GABRR2: variants seen among roughly 807,000 people sequenced by gnomAD.
GABRR2 encodes gamma-aminobutyric acid type A receptor subunit rho2, also known as gamma-aminobutyric acid receptor subunit rho-2.
In GABRR2, 36 loss-of-function variants were observed where a neutral mutation model predicts 47.0. The ratio of observed to expected loss-of-function variants is 0.77; its 90% CI spans 0.59 to 1.01. The LOEUF is 1.01. Ranked by LOEUF, GABRR2 falls within the 50% of genes least tolerant of loss-of-function variation. The pLI is 0.00. For synonymous variants in GABRR2, 204 were observed against 227.5 expected, an observed-to-expected ratio of 0.90 and a Z score of 0.93; for missense variants, 587 against 594.6, an observed-to-expected ratio of 0.99 and a Z score of 0.13.
intron 2 of GABRR2, among the ~76,000 whole-genome samples, chr6:89,288,263 G>T (rs1441781251): frequency 6.6e-6 from 1 of 151,314 alleles, no homozygotes; most frequent in Non-Finnish European, 1.5e-5. Context: ...TCTGGGGTGG[G>T]GTGGGGGCAA....
In GABRR2 at chr6:89,268,957, C is replaced by A. The variant is rs1773977135; in HGVS notation, c.512+54G>T. On this transcript the variant is annotated intron_variant, in intron 4 of 8. Transcript: ENST00000402938. ...CAGTCTTCAGGGCCAAAGGGCCTGA[C>A]CACACATACCAGAAAGGCACTGGAC... 2.0e-6 allele frequency: 3 copies of A among 1,524,430 alleles called. No homozygotes were observed. The Admixed American group carries it at 5.0e-5, about 26-fold the overall frequency. The allele number at this position is 1,524,430 out of a possible 1,614,324, so 94.4% of individuals were successfully genotyped here.
intron 4 of GABRR2, 65 bp from the exon 5 acceptor site, chr6:89,268,161 G>T: frequency 8.2e-7 from 1 of 1,226,204 alleles, no homozygotes; most frequent in Non-Finnish European, 1.2e-6. Context: ...TCTGCCCAGA[G>T]CAAGAAGGCA....
At position 89,267,773 on chromosome 6, in the gene GABRR2, A is replaced by G; in HGVS notation, c.642T>C (p.Asp214=). 2 of 1,613,932 alleles carry G rather than the reference A, an allele frequency of 1.2e-6. No individual in the cohort carries two copies. Among genetic ancestry groups the G allele is most frequent in the Non-Finnish European group, 1.7e-6 (2 of 1,179,836 alleles). ...TCTTCTCATCTGTTTTTAGGGATTC[A>G]TCCCCATTCTTCCAGTACAGCATTA... ...EDLMLYWKNG[D]ESLKTDEKIS... Residue 214 remains aspartate, a synonymous_variant, in exon 6 of 9, where the codon GAT becomes GAC. Coordinates refer to ENST00000402938, the MANE Select transcript of GABRR2 (RefSeq NM_002043.5).
chr6:89,259,881 C>CTCTT (rs1554195195), intron 8 of GABRR2, among the ~76,000 whole-genome samples: 72 of 143,056 alleles, frequency 5.0e-4, no homozygotes, highest in African/African-American at 1.8e-3. Flanking sequence ...ATCTCTCTCT[C>CTCTT]TCTTTTTTTT....
chr6:89,307,040 T>C (rs1039528301), intron 1 of GABRR2, among the ~76,000 whole-genome samples: 1 of 152,226 alleles, frequency 6.6e-6, no homozygotes, highest in African/African-American at 2.4e-5. Flanking sequence ...ATGCCCGGCA[T>C]GTAGCAGGCA....
intron 2 of GABRR2, among the ~76,000 whole-genome samples, chr6:89,281,932 G>A (rs1036088509): frequency 1.3e-5 from 2 of 152,078 alleles, no homozygotes; most frequent in Non-Finnish European, 2.9e-5. Flanking sequence ...CAGCACCCGC[G>A]TCTGCTTACT....
At chr6:89,259,884 T>TC (rs1491531361) in intron 8 of GABRR2, among the ~76,000 whole-genome samples, 3,288 of 132,068 alleles carry the variant, frequency 0.025, 55 homozygotes, top group African/African-American at 0.054. Context: ...TCTCTCTCTC[T>TC]TTTTTTTTTT....
chr6:89,290,368 A>G (rs1335144741), intron 2 of GABRR2, among the ~76,000 whole-genome samples: 1 of 152,112 alleles, frequency 6.6e-6, no homozygotes, highest in East Asian at 1.9e-4. Flanking sequence ...TATTTAAGCC[A>G]TTCACTCCCC....
intron 8 of GABRR2, 80 bp from the exon 9 acceptor site, chr6:89,258,061 A>G (rs1270966819): frequency 2.3e-6 from 3 of 1,295,344 alleles, no homozygotes; most frequent in Non-Finnish European, 3.2e-6. Context: ...GAGCAAAGCC[A>G]CATTGCTACT....
Position 89,256,571 on chromosome 6 carries a change from G to A in GABRR2, c.*1099C>T, listed in dbSNP as rs1773603591. Among the ~76,000 whole-genome samples, 2 of 152,256 alleles carry A rather than the reference G, an allele frequency of 1.3e-5. No homozygotes were observed. The highest frequency in any genetic ancestry group is 2.9e-5 in the Non-Finnish European group (2 of 68,012). ...TTGGAATGTCCTGTGAGATAGAAGG[G>A]TCTTTGTCTACTGGGGCCTTGGGCC... is the stretch of plus-strand genomic sequence containing the variant. On this transcript the variant is annotated 3_prime_UTR_variant, in exon 9 of 9. Transcript: ENST00000402938.
chr6:89,291,956 C>A (rs1437055705), intron 2 of GABRR2, among the ~76,000 whole-genome samples: 1 of 152,110 alleles, frequency 6.6e-6, no homozygotes, highest in African/African-American at 2.4e-5. Flanking sequence ...TCCCAGTGGC[C>A]CTCACAATTT....
intron 1 of GABRR2, chr6:89,303,120 C>T: frequency 3.5e-6 from 2 of 569,988 alleles, no homozygotes; most frequent in South Asian, 3.2e-5. Flanking sequence ...AGTGAAGCTG[C>T]TTGCAGCTGG....
At chr6:89,296,502 G>C (rs1774556311) in intron 2 of GABRR2, among the ~76,000 whole-genome samples, 1 of 152,262 alleles carries the variant, frequency 6.6e-6, no homozygotes, top group Non-Finnish European at 1.5e-5. Context: ...GGAAGGAGGA[G>C]TGGCCCCCAC....
At chr6:89,308,586 G>A (rs1360191763) in intron 1 of GABRR2, among the ~76,000 whole-genome samples, 2 of 152,058 alleles carry the variant, frequency 1.3e-5, no homozygotes, top group Non-Finnish European at 2.9e-5. Context: ...TATAAGCCAG[G>A]GCTTTCCGAT....
chr6:89,312,227 G>C (rs1767693453), intron 1 of GABRR2, among the ~76,000 whole-genome samples: 1 of 152,210 alleles, frequency 6.6e-6, no homozygotes, highest in Non-Finnish European at 1.5e-5. Flanking sequence ...GGAGGAGTAG[G>C]AATAAAGTTG....
At chr6:89,280,253 T>TATATATATATAC (rs1242640059) in intron 2 of GABRR2, among the ~76,000 whole-genome samples, 86 of 124,764 alleles carry the variant, frequency 6.9e-4, no homozygotes, top group African/African-American at 1.9e-3. Flanking sequence ...TATATATATA[T>TATATATATATAC]ACATACATAT....
At chr6:89,284,759 A>G (rs887254095) in intron 2 of GABRR2, among the ~76,000 whole-genome samples, 4 of 152,226 alleles carry the variant, frequency 2.6e-5, no homozygotes, top group Non-Finnish European at 4.4e-5. Flanking sequence ...ACAGAACTGT[A>G]AGATAATACA....
intron 1 of GABRR2, among the ~76,000 whole-genome samples, chr6:89,309,947 C>CTT (rs565193467): frequency 0.061 from 7,862 of 128,136 alleles, 457 homozygotes; most frequent in African/African-American, 0.12. Context: ...CCTGGCTAAT[C>CTT]TTTTTTTTTT....
At chr6:89,300,652 C>A (rs1291887200) in intron 1 of GABRR2, among the ~76,000 whole-genome samples, 1 of 148,368 alleles carries the variant, frequency 6.7e-6, no homozygotes, top group Non-Finnish European at 1.5e-5. Context: ...ACACCCCAAA[C>A]CAAATAGTGA....
Sources: gnomAD v4.1 joint callset for allele counts (sites outside exome capture counted in the v4.1 genomes callset) on GRCh38, gnomAD v4.1.1 for gene constraint, MANE v1.5 for transcripts, NCBI Gene and HGNC (gene_info 2026-07-23, HGNC 2026-07-21) for gene names.